The following BIRC6 variants were observed in gnomAD, a reference collection of about 807,000 sequenced individuals.
BIRC6 encodes baculoviral IAP repeat containing 6.
Under a neutral mutation model 503.3 loss-of-function variants are expected in BIRC6, and 98 were observed. The observed-to-expected ratio is 0.19, with a 90% confidence interval of 0.17 to 0.23. The LOEUF (loss-of-function observed/expected upper bound fraction) is 0.23. Ranked by LOEUF, BIRC6 falls within the 10% of genes least tolerant of loss-of-function variation. BIRC6 has a pLI of 1.00. For missense variants in BIRC6, 5,360 were observed against 5,806.0 expected (o/e 0.92, Z 2.50); for synonymous variants, 2,240 against 2,078.7 (o/e 1.08, Z -2.11).
intron 11 of BIRC6, among the ~76,000 whole-genome samples, chr2:32,430,470 A>G (rs538970534): frequency 2.9e-4 from 44 of 152,268 alleles, no homozygotes; most frequent in Middle Eastern, 3.4e-3. Context: ...GATGTCTAGC[A>G]TTTTATTTTT....
chr2:32,525,947 G>C (rs1353098686), intron 59 of BIRC6, among the ~76,000 whole-genome samples: 1 of 152,110 alleles, frequency 6.6e-6, no homozygotes, highest in Non-Finnish European at 1.5e-5. Flanking sequence ...AAACACCGTG[G>C]GGCAAATTTG....
At chr2:32,546,110 A>G (rs2058038097) in intron 63 of BIRC6, among the ~76,000 whole-genome samples, 1 of 152,202 alleles carries the variant, frequency 6.6e-6, no homozygotes, top group Admixed American at 6.5e-5. Context: ...CCCATTTACC[A>G]AGATACACTG....
intron 69 of BIRC6, among the ~76,000 whole-genome samples, chr2:32,598,472 T>G (rs2061818354): frequency 6.6e-6 from 1 of 152,202 alleles, no homozygotes; most frequent in Non-Finnish European, 1.5e-5. Flanking sequence ...AGGAAATTTA[T>G]GTTTTTTTTA....
intron 1 of BIRC6, among the ~76,000 whole-genome samples, chr2:32,364,586 T>C (rs150393605): frequency 6.6e-6 from 1 of 152,226 alleles, no homozygotes; most frequent in East Asian, 1.9e-4. Context: ...CATTTCTTTG[T>C]ATCTTTTTTC....
At position 32,569,354 on chromosome 2, in the gene BIRC6, G is replaced by T. The variant is rs189476761; in HGVS notation, c.13145-5802G>T. Among the ~76,000 whole-genome samples the T allele has an allele frequency of 7.9e-5, 12 of 151,914 alleles. No homozygotes were observed. In the East Asian group the frequency reaches 2.3e-3, roughly 29 times the overall value. On this transcript the variant is annotated intron_variant, in intron 65 of 73. Coordinates refer to ENST00000421745, the MANE Select transcript of BIRC6 (RefSeq NM_016252.4). ...ATATATTCCTAGGTATTTTGTTTTAGATTTTATTATTTTATCTTATTTTTA... is the reference window on the plus strand; with the variant it reads ...ATATATTCCTAGGTATTTTGTTTTATATTTTATTATTTTATCTTATTTTTA...
rs1189374400 is a variant in BIRC6, at chr2:32,357,715, G to C, written c.325+229G>C. ...CGGCGAGTCAGGGAGTGGTGGGAGG[G>C]GAGTTGCCTTTCGGGCCTGGAGCGT... On this transcript the variant is annotated intron_variant, in intron 1 of 73. Coordinates refer to ENST00000421745, the MANE Select transcript of BIRC6 (RefSeq NM_016252.4). The surrounding 1 kb of genome is among the most constrained non-coding windows in gnomAD (Gnocchi z 4.9). Among the ~76,000 whole-genome samples, 3 of 152,192 alleles carry C rather than the reference G, an allele frequency of 2.0e-5. No individual in the cohort carries two copies. Among genetic ancestry groups the C allele is most frequent in the Non-Finnish European group, 4.4e-5 (3 of 68,040 alleles).
At chr2:32,448,761 A>C (rs1053718433) in intron 21 of BIRC6, 34 bp from the exon 22 acceptor site, 2 of 1,582,004 alleles carry the variant, frequency 1.3e-6, no homozygotes, top group Non-Finnish European at 1.7e-6. Flanking sequence ...GATGGCTGAA[A>C]GGAAAATTGT....
intron 1 of BIRC6, among the ~76,000 whole-genome samples, chr2:32,366,112 C>T (rs1469643837): frequency 1.3e-5 from 2 of 152,072 alleles, no homozygotes; most frequent in African/African-American, 4.8e-5. Flanking sequence ...CACAGGTGAT[C>T]CACCTGCTTC....
chr2:32,442,914 C>T (rs531459302), intron 19 of BIRC6, among the ~76,000 whole-genome samples: 1 of 152,286 alleles, frequency 6.6e-6, no homozygotes, highest in Admixed American at 6.5e-5. Context: ...GACCCCTCCC[C>T]TCCCCAGTGG....
intron 66 of BIRC6, among the ~76,000 whole-genome samples, chr2:32,575,791 A>T (rs1029616995): frequency 6.6e-6 from 1 of 152,046 alleles, no homozygotes; most frequent in African/African-American, 2.4e-5. Context: ...AGAAACATGC[A>T]CACCCTCACA....
chr2:32,453,353 T>G lies in BIRC6; in HGVS notation c.4619-455T>G, dbSNP rs2046912684. ...TAAACCTTGTTAATATTTTGAAATG[T>G]TCATCCTTTGTTTTGTGTCTTATAT... On this transcript the variant is annotated intron_variant, in intron 22 of 73. Coordinates refer to ENST00000421745, the MANE Select transcript of BIRC6 (RefSeq NM_016252.4). Among the ~76,000 whole-genome samples, 3 of 151,910 alleles carry G rather than the reference T, an allele frequency of 2.0e-5. No homozygotes were observed. In the South Asian group the frequency reaches 6.3e-4, roughly 32 times the overall value.
In BIRC6 at chr2:32,396,690, C is replaced by G. The variant is rs545212474; in HGVS notation, c.1034+1097C>G. On this transcript the variant is annotated intron_variant, in intron 6 of 73. Coordinates refer to ENST00000421745, the MANE Select transcript of BIRC6 (RefSeq NM_016252.4). ...TAAAGTATAATTCATAAATTAAGCA[C>G]AGAAAGAGATTAATAACAATAACTA... 3.9e-5 allele frequency among the ~76,000 whole-genome samples: 6 copies of G among 152,208 alleles called. 1 individual carries two copies. The South Asian group carries it at 1.0e-3, about 26-fold the overall frequency.
At chr2:32,529,319 G>C in intron 59 of BIRC6, 1 of 203,486 alleles carries the variant, frequency 4.9e-6, no homozygotes. Flanking sequence ...AGTTGTAACA[G>C]AGACTATATG....
At position 32,424,538 on chromosome 2, in the gene BIRC6, G is replaced by A. The variant is rs563774403; in HGVS notation, c.2873-4608G>A. 2.0e-5 allele frequency among the ~76,000 whole-genome samples: 3 copies of A among 150,910 alleles called. No homozygotes were observed. The South Asian group carries it at 6.3e-4, about 32-fold the overall frequency. ...CAACCCTTTTTTTTTTTTTGAGATG[G>A]AGTTTCACGCTTGTTGCCCAGGCTG... On this transcript the variant is annotated intron_variant, in intron 10 of 73. Transcript: ENST00000421745.
In BIRC6 at chr2:32,485,752, T is replaced by C; in HGVS notation, c.7806T>C (p.Ser2602=). ...TTTTACAGGCATTAACAAATACATC[T>C]CCTACATGTAAGTAAAATGACCATT... ...DSILQALTNT[S]PTLSQSPTGT... The change falls in exon 40 of 74, where the codon TCT becomes TCC. Residue 2602 remains serine (S), a synonymous_variant. Transcript: ENST00000421745. 1 of 1,592,030 alleles carries C rather than the reference T, an allele frequency of 6.3e-7. No homozygotes were observed. The highest frequency in any genetic ancestry group is 1.1e-5 in the South Asian group (1 of 90,390).
At chr2:32,368,230 G>A (rs1010839400) in intron 1 of BIRC6, among the ~76,000 whole-genome samples, 1 of 151,718 alleles carries the variant, frequency 6.6e-6, no homozygotes, top group Non-Finnish European at 1.5e-5. Context: ...GTTCTAATGT[G>A]CAGTTAGGTT....
chr2:32,596,518 A>AT (rs2061684880), intron 68 of BIRC6, among the ~76,000 whole-genome samples: 1 of 151,440 alleles, frequency 6.6e-6, no homozygotes, highest in Admixed American at 6.6e-5. Context: ...CACTCTTTAC[A>AT]TGGGTCAGGA....
rs28445320 is a variant in BIRC6, at chr2:32,448,533, G to A, written c.4485-262G>A. Among the ~76,000 whole-genome samples the A allele has an allele frequency of 2.0e-5, 3 of 150,390 alleles. No individual in the cohort carries two copies. The East Asian group carries it at 5.8e-4, about 29-fold the overall frequency. ...AGGCGTGGCGACGCGCGCCTGCAAT[G>A]GCAGGCACTCGGCAGGCTGAGGCAG... On this transcript the variant is annotated intron_variant, in intron 21 of 73. Coordinates refer to ENST00000421745, the MANE Select transcript of BIRC6 (RefSeq NM_016252.4).
At chr2:32,396,527 GC>G (rs1482496412) in intron 6 of BIRC6, among the ~76,000 whole-genome samples, 1 of 152,138 alleles carries the variant, frequency 6.6e-6, no homozygotes, top group Non-Finnish European at 1.5e-5. Context: ...GTATCTATCT[GC>G]AGGCAGAGAG....
Sources: gnomAD v4.1 joint callset for allele counts (sites outside exome capture counted in the v4.1 genomes callset) on GRCh38, gnomAD v4.1.1 for gene constraint, Gnocchi (gnomAD v3.1) non-coding constraint, MANE v1.5 for transcripts, NCBI Gene and HGNC (gene_info 2026-07-23, HGNC 2026-07-21) for gene names.